The following GULP1 variants were observed in gnomAD, a reference collection of about 807,000 sequenced individuals.
The protein encoded by GULP1 is GULP PTB domain containing engulfment adaptor 1.
A neutral mutation model predicts 40.9 loss-of-function variants in GULP1; 19 were observed. That is an observed-to-expected ratio of 0.46 (90% CI 0.32 to 0.68). The LOEUF (loss-of-function observed/expected upper bound fraction) is 0.68. Ranked by LOEUF, GULP1 falls within the 30% of genes least tolerant of loss-of-function variation. The pLI is 0.03. For synonymous variants in GULP1, 119 were observed against 117.6 expected, an observed-to-expected ratio of 1.01 and a Z score of -0.08; for missense variants, 312 against 362.2, an observed-to-expected ratio of 0.86 and a Z score of 1.12.
chr2:188,376,009 A>G (rs187800990), intron 1 of GULP1, among the ~76,000 whole-genome samples: 2 of 152,228 alleles, frequency 1.3e-5, no homozygotes, highest in Admixed American at 6.5e-5. Flanking sequence ...CACGTTTTAC[A>G]TTCTGTGAAT....
intron 1 of GULP1, among the ~76,000 whole-genome samples, chr2:188,330,675 G>A (rs1162037173): frequency 6.6e-6 from 1 of 152,182 alleles, no homozygotes; most frequent in African/African-American, 2.4e-5. Context: ...ACCAAAAACA[G>A]TAGACTAGGA....
In GULP1 at chr2:188,423,171, C is replaced by T. The variant is rs571914730; in HGVS notation, c.-45+39282C>T. ...AGAAACTCTATGTTAGCTAAATAATCACATCTTTCTTTTCTGTTGCACCAC... is the reference window on the plus strand; with the variant it reads ...AGAAACTCTATGTTAGCTAAATAATTACATCTTTCTTTTCTGTTGCACCAC... On this transcript the variant is annotated intron_variant, in intron 2 of 11. Transcript: ENST00000409830. Among the ~76,000 whole-genome samples, 8 of 152,142 alleles carry T rather than the reference C, an allele frequency of 5.3e-5. No homozygotes were observed. The South Asian group carries it at 1.0e-3, about 20-fold the overall frequency.
intron 7 of GULP1, among the ~76,000 whole-genome samples, chr2:188,560,404 C>A (rs2153408517): frequency 6.6e-6 from 1 of 152,326 alleles, no homozygotes; most frequent in South Asian, 2.1e-4. Context: ...ACTTCACTGT[C>A]TACATCACTA....
intron 2 of GULP1, among the ~76,000 whole-genome samples, chr2:188,471,292 C>T (rs888774568): frequency 6.6e-6 from 1 of 151,920 alleles, no homozygotes; most frequent in Non-Finnish European, 1.5e-5. Context: ...CTCTTCCCAC[C>T]ACCGCCCACC....
At chr2:188,547,188 A>G (rs1263865144) in intron 7 of GULP1, among the ~76,000 whole-genome samples, 1 of 151,924 alleles carries the variant, frequency 6.6e-6, no homozygotes, top group African/African-American at 2.4e-5. Context: ...AACACTTTCT[A>G]CTTCATTTTG....
At chr2:188,427,083 G>A (rs6714454) in intron 2 of GULP1, among the ~76,000 whole-genome samples, 7,319 of 152,200 alleles carry the variant, frequency 0.048, 335 homozygotes, top group East Asian at 0.2. Flanking sequence ...TTGAACTTAC[G>A]AGTGATGATT....
chr2:188,442,524 A>T (rs530922777), intron 2 of GULP1, among the ~76,000 whole-genome samples: 19 of 152,318 alleles, frequency 1.2e-4, no homozygotes, highest in African/African-American at 4.6e-4. Flanking sequence ...AAAATATGTA[A>T]ATTACCTAGA....
At chr2:188,535,408 T>C (rs1688676303) in intron 6 of GULP1, among the ~76,000 whole-genome samples, 1 of 151,998 alleles carries the variant, frequency 6.6e-6, no homozygotes, top group Admixed American at 6.6e-5. Flanking sequence ...GAGTACCCAA[T>C]GTTTTTCACT....
intron 4 of GULP1, among the ~76,000 whole-genome samples, chr2:188,518,751 G>A (rs1411073496): frequency 6.6e-6 from 1 of 152,128 alleles, no homozygotes; most frequent in Non-Finnish European, 1.5e-5. Context: ...TTTGATAAGG[G>A]AATGGCAATC....
At chr2:188,368,873 G>A (rs1204983333) in intron 1 of GULP1, among the ~76,000 whole-genome samples, 2 of 132,960 alleles carry the variant, frequency 1.5e-5, no homozygotes, top group Admixed American at 7.9e-5. Context: ...CTTTTCATTG[G>A]GTTAGTATAA....
intron 2 of GULP1, among the ~76,000 whole-genome samples, chr2:188,447,497 G>A (rs78201414): frequency 0.04 from 6,053 of 152,150 alleles, 392 homozygotes; most frequent in African/African-American, 0.14. Flanking sequence ...AATCTGAGAT[G>A]GGAGTCAGCC....
At chr2:188,426,399 G>A (rs2056203107) in intron 2 of GULP1, among the ~76,000 whole-genome samples, 1 of 152,126 alleles carries the variant, frequency 6.6e-6, no homozygotes, top group Non-Finnish European at 1.5e-5. Context: ...TTCTTATCGG[G>A]ACCTTAAAAG....
At chr2:188,570,174 T>A (rs777750297) in intron 9 of GULP1, 54 bp downstream of exon 9, 2 of 749,902 alleles carry the variant, frequency 2.7e-6, no homozygotes, top group Non-Finnish European at 4.6e-6. Context: ...AAAACATCTG[T>A]GTATCACTAG....
At position 188,407,917 on chromosome 2, in the gene GULP1, TAC is replaced by T. The variant is rs571363439; in HGVS notation, c.-45+24036_-45+24037del. Reference sequence around the variant, plus strand: ...ACAAGAAACTTATTTAATTTTTAAGTACACACACAGATTAAAAGTAAAAGGAT... The same window carrying T: ...ACAAGAAACTTATTTAATTTTTAAGTACACACAGATTAAAAGTAAAAGGAT... On this transcript the variant is annotated intron_variant, in intron 2 of 11. Transcript: ENST00000409830. Among the ~76,000 whole-genome samples the T allele has an allele frequency of 1.9e-3, 289 of 152,264 alleles. 3 individuals are homozygous for T. Among genetic ancestry groups the T allele is most frequent in the African/African-American group, 6.5e-3 (270 of 41,546 alleles).
At chr2:188,482,028 TA>T (rs149228058) in intron 3 of GULP1, among the ~76,000 whole-genome samples, 16,678 of 151,870 alleles carry the variant, frequency 0.11, 1,055 homozygotes, top group Middle Eastern at 0.18. Context: ...TCAACGTCAA[TA>T]TTTTTTGAAG....
intron 1 of GULP1, among the ~76,000 whole-genome samples, chr2:188,295,133 A>G (rs1305941450): frequency 6.6e-6 from 1 of 152,178 alleles, no homozygotes; most frequent in East Asian, 1.9e-4. Flanking sequence ...TTTAAAGTCC[A>G]GCTTAATTTT....
chr2:188,547,943 T>C (rs1692401286), intron 7 of GULP1, among the ~76,000 whole-genome samples: 2 of 152,066 alleles, frequency 1.3e-5, no homozygotes, highest in Non-Finnish European at 2.9e-5. Context: ...ACACTCATTG[T>C]TTAAAACTCT....
chr2:188,513,718 T>C (rs940592442), intron 4 of GULP1, among the ~76,000 whole-genome samples: 4 of 152,036 alleles, frequency 2.6e-5, no homozygotes, highest in Admixed American at 1.3e-4. Context: ...AGCACACAAT[T>C]GTGCAAGACA....
At chr2:188,528,166 C>T (rs1294511020) in intron 5 of GULP1, among the ~76,000 whole-genome samples, 2 of 151,856 alleles carry the variant, frequency 1.3e-5, no homozygotes, top group African/African-American at 4.8e-5. Context: ...ATCAAGATGC[C>T]CAGTAAACTT....
Sources: gnomAD v4.1 joint callset for allele counts (sites outside exome capture counted in the v4.1 genomes callset) on GRCh38, gnomAD v4.1.1 for gene constraint, MANE v1.5 for transcripts, NCBI Gene and HGNC (gene_info 2026-07-23, HGNC 2026-07-21) for gene names.